Variants in RAB3GAP2 observed in about 807,000 individuals in gnomAD.
RAB3GAP2 encodes RAB3 GTPase activating non-catalytic protein subunit 2.
RAB3GAP2 carries 87 observed loss-of-function variants against 185.3 expected under a neutral mutation model. That is an observed-to-expected ratio of 0.47 (90% CI 0.39 to 0.56). The LOEUF (loss-of-function observed/expected upper bound fraction) is 0.56. RAB3GAP2 is among the 20% of genes least tolerant of loss of function. The probability of loss-of-function intolerance (pLI) is 0.00; values close to 1 mark genes in which losing one functional copy is unlikely to be tolerated. For synonymous variants in RAB3GAP2, 554 were observed against 576.1 expected (o/e 0.96, Z 0.55); for missense variants, 1,492 against 1,638.2 (o/e 0.91, Z 1.54).
At chr1:220,181,634 T>G (rs1658406804) in intron 21 of RAB3GAP2, among the ~76,000 whole-genome samples, 1 of 152,190 alleles carries the variant, frequency 6.6e-6, no homozygotes, top group South Asian at 2.1e-4. Flanking sequence ...TAAGATATTT[T>G]TCATTGTAAC....
chr1:220,239,698 G>A (rs555062733), intron 1 of RAB3GAP2, among the ~76,000 whole-genome samples: 1 of 152,146 alleles, frequency 6.6e-6, no homozygotes, highest in East Asian at 1.9e-4. Context: ...AGTCTAAGAG[G>A]CAGAATTTGA....
intron 24 of RAB3GAP2, among the ~76,000 whole-genome samples, chr1:220,170,021 A>C (rs529822820): frequency 6.6e-6 from 1 of 152,286 alleles, no homozygotes; most frequent in South Asian, 2.1e-4. Flanking sequence ...AACCAACCCA[A>C]ATGCCCATCA....
intron 21 of RAB3GAP2, 134 bp from the exon 22 acceptor site, chr1:220,172,876 C>T: frequency 3.0e-6 from 2 of 675,720 alleles, no homozygotes; most frequent in South Asian, 1.7e-5. Flanking sequence ...TGGTTGCTTG[C>T]TGTATCATGT....
chr1:220,205,782 G>A, intron 8 of RAB3GAP2, 125 bp downstream of exon 8: 1 of 729,178 alleles, frequency 1.4e-6, no homozygotes, highest in South Asian at 1.7e-5. Context: ...CAGAAGGCAG[G>A]TTTTTCCCAT....
chr1:220,229,893 A>G (rs1659467224), intron 2 of RAB3GAP2, among the ~76,000 whole-genome samples: 1 of 152,234 alleles, frequency 6.6e-6, no homozygotes, highest in Non-Finnish European at 1.5e-5. Context: ...CGTTATTCAT[A>G]GTGGTAACTT....
chr1:220,193,178 A>G, intron 13 of RAB3GAP2, 62 bp downstream of exon 13: 1 of 1,579,926 alleles, frequency 6.3e-7, no homozygotes, highest in Non-Finnish European at 8.7e-7. Flanking sequence ...GGATGATAAC[A>G]TTGCTCAACT....
chr1:220,268,945 A>G (rs866431327), intron 1 of RAB3GAP2, among the ~76,000 whole-genome samples: 1 of 152,198 alleles, frequency 6.6e-6, no homozygotes, highest in South Asian at 2.1e-4. Context: ...ATTAACTTGA[A>G]TTTTAAAAAT....
In RAB3GAP2 at chr1:220,180,371, AAGAT is replaced by A. The variant is rs146403294; in HGVS notation, c.2310+1882_2310+1885del. On this transcript the variant is annotated intron_variant, in intron 21 of 34. Coordinates refer to ENST00000358951, the MANE Select transcript of RAB3GAP2 (RefSeq NM_012414.4). The stretch of plus-strand genomic sequence containing the variant: ...ACAAAAAAAGTTGTTTTTATTAAAA[AAGAT>A]AAACAAAATCAACAAACCTTTAGTT... 4.9e-3 allele frequency among the ~76,000 whole-genome samples: 739 copies of A among 152,284 alleles called. 1 individual carries two copies. Among genetic ancestry groups the A allele is most frequent in the Non-Finnish European group, 7.3e-3 (499 of 68,024 alleles).
intron 1 of RAB3GAP2, among the ~76,000 whole-genome samples, chr1:220,241,142 C>T (rs1659690383): frequency 6.6e-6 from 1 of 152,014 alleles, no homozygotes; most frequent in Non-Finnish European, 1.5e-5. Context: ...TTCTGCTTTC[C>T]ACAGCTCTAT....
intron 2 of RAB3GAP2, among the ~76,000 whole-genome samples, chr1:220,224,023 A>T (rs967299220): frequency 1.5e-4 from 23 of 151,750 alleles, no homozygotes; most frequent in Non-Finnish European, 3.4e-4. Context: ...AAAAAAAAAA[A>T]AAAAGAGGAA....
At chr1:220,210,336 C>T in intron 7 of RAB3GAP2, 52 bp downstream of exon 7, 1 of 1,340,926 alleles carries the variant, frequency 7.5e-7, no homozygotes, top group Non-Finnish European at 1.1e-6. Flanking sequence ...AGGAGAGAAA[C>T]TGCTTCAAAA....
intron 2 of RAB3GAP2, among the ~76,000 whole-genome samples, chr1:220,217,943 G>A (rs1171280509): frequency 1.3e-5 from 2 of 152,106 alleles, no homozygotes; most frequent in Admixed American, 6.5e-5. Flanking sequence ...CCAACAAATG[G>A]ACTATAAGTG....
rs200440879 is a variant in RAB3GAP2 at position 220,196,312 on chromosome 1, C to T, written c.898G>A (p.Ala300Thr). The stretch of plus-strand genomic sequence containing the variant: ...CCTACAGTGATATACTGAGACATGG[C>T]AGGTGGACTATTTTTAATTGCTGCA... ...FNAAIKNSPPAMSQYITVGSN... is the reference protein window; with the variant it reads ...FNAAIKNSPPTMSQYITVGSN... The change falls in exon 10 of 35, where the codon GCC becomes ACC. Residue 300 changes from alanine (A) to threonine (T), a missense_variant. Coordinates refer to ENST00000358951, the MANE Select transcript of RAB3GAP2 (RefSeq NM_012414.4). 2.5e-6 allele frequency: 4 copies of T among 1,611,708 alleles called. No homozygotes were observed. The East Asian group carries it at 6.7e-5, about 27-fold the overall frequency.
Position 220,163,740 on chromosome 1 carries a change from C to CATATATAT in RAB3GAP2, c.3154+992_3154+993insATATATAT, listed in dbSNP as rs1274317823. Among the ~76,000 whole-genome samples the CATATATAT allele has an allele frequency of 8.5e-3, 761 of 90,034 alleles. 15 individuals are homozygous for CATATATAT. The highest frequency in any genetic ancestry group is 0.015 in the Admixed American group (118 of 8,022). The allele number at this position is 90,034 out of a possible 152,430, so 59.1% of individuals were successfully genotyped here. On this transcript the variant is annotated intron_variant, in intron 27 of 34. Transcript: ENST00000358951. ...ATCAGTCAAGGTAAATATATAAATA[C>CATATATAT]ATACATATATATATATATATATATA...
At chr1:220,198,365 G>A (rs1558152306) in intron 9 of RAB3GAP2, among the ~76,000 whole-genome samples, 2 of 152,054 alleles carry the variant, frequency 1.3e-5, no homozygotes, top group Non-Finnish European at 2.9e-5. Context: ...TCCCATCCTC[G>A]ATCCTTTGAA....
chr1:220,251,386 T>C (rs762505799), intron 1 of RAB3GAP2, among the ~76,000 whole-genome samples: 42 of 152,202 alleles, frequency 2.8e-4, no homozygotes, highest in Non-Finnish European at 1.0e-4. Context: ...TATGATTATA[T>C]AAATATTTGC....
chr1:220,152,787 G>A (rs1280055271), intron 33 of RAB3GAP2, among the ~76,000 whole-genome samples: 1 of 152,034 alleles, frequency 6.6e-6, no homozygotes, highest in Non-Finnish European at 1.5e-5. Flanking sequence ...GAGCTTCTGG[G>A]CTCAAGTGAT....
At chr1:220,170,548 A>C (rs1314688517) in intron 24 of RAB3GAP2, among the ~76,000 whole-genome samples, 1 of 152,042 alleles carries the variant, frequency 6.6e-6, no homozygotes, top group African/African-American at 2.4e-5. Context: ...CAGTTTTGCC[A>C]TTCAATCTAT....
At chr1:220,249,269 T>C (rs1659885720) in intron 1 of RAB3GAP2, among the ~76,000 whole-genome samples, 1 of 152,078 alleles carries the variant, frequency 6.6e-6, no homozygotes, top group South Asian at 2.1e-4. Flanking sequence ...TTGAATGGCT[T>C]TTACCAAAAT....
Sources: gnomAD v4.1 joint callset for allele counts (sites outside exome capture counted in the v4.1 genomes callset) on GRCh38, gnomAD v4.1.1 for gene constraint, MANE v1.5 for transcripts, NCBI Gene and HGNC (gene_info 2026-07-23, HGNC 2026-07-21) for gene names.